The following ATM variants were observed in gnomAD, a reference collection of about 807,000 sequenced individuals.
ATM encodes the protein ATM serine/threonine kinase, also known as serine-protein kinase ATM.
ATM carries 308 observed loss-of-function variants against 387.0 expected under a neutral mutation model. That is an observed-to-expected ratio of 0.80 (90% CI 0.73 to 0.87). The LOEUF (loss-of-function observed/expected upper bound fraction) is 0.87, where lower values mean the gene tolerates loss of function less well. Among genes scored for constraint, ATM ranks in the 40% least tolerant of loss-of-function variants. The probability of loss-of-function intolerance (pLI) is 0.00; values close to 1 mark genes in which losing one functional copy is unlikely to be tolerated. For missense variants in ATM, 3,312 were observed against 3,560.9 expected, an observed-to-expected ratio of 0.93 and a Z score of 1.78; for synonymous variants, 1,156 against 1,187.3, an observed-to-expected ratio of 0.97 and a Z score of 0.54.
chr11:108,307,525 C>T (rs1050596881), intron 37 of ATM, among the ~76,000 whole-genome samples: 6 of 152,142 alleles, frequency 3.9e-5, no homozygotes, highest in African/African-American at 1.4e-4. Context: ...TTTAAACTTT[C>T]CTATTATAAC....
Position 108,287,615 on chromosome 11 carries a change from A to G in ATM, c.4009A>G (p.Ile1337Val), listed in dbSNP as rs2082558578. 2 of 1,611,686 alleles carry G rather than the reference A, an allele frequency of 1.2e-6. No individual in the cohort carries two copies. The highest frequency in any genetic ancestry group is 1.7e-6 in the Non-Finnish European group (2 of 1,178,200). Reference protein sequence around the residue: ...LLGKQIDHLFISNLPEIVVEL... With the variant: ...LLGKQIDHLFVSNLPEIVVEL... ...GCCCTTGCAGATTGATCACTTATTCATTAGTAATTTACCAGAGATTGTGGT... is the reference window on the plus strand; with the variant it reads ...GCCCTTGCAGATTGATCACTTATTCGTTAGTAATTTACCAGAGATTGTGGT... The change falls in exon 27 of 63, where the codon ATT becomes GTT. Residue 1337 changes from isoleucine (I) to valine (V), a missense_variant. By Grantham distance (29) the Ile-to-Val change is conservative. Transcript: ENST00000675843.
chr11:108,302,327 G>A (rs1422405123), intron 35 of ATM, among the ~76,000 whole-genome samples: 2 of 152,086 alleles, frequency 1.3e-5, no homozygotes, highest in Non-Finnish European at 1.5e-5. Flanking sequence ...TTCATAAAGT[G>A]ACTGAGAAAT....
intron 3 of ATM, 57 bp from the exon 4 acceptor site, chr11:108,229,121 A>G: frequency 1.3e-6 from 2 of 1,545,028 alleles, no homozygotes; most frequent in Non-Finnish European, 1.8e-6. Flanking sequence ...AGCTTTTGAA[A>G]TTATTATAAT....
intron 46 of ATM, 23 bp from the exon 47 acceptor site, chr11:108,326,035 C>A (rs2085642148): frequency 1.2e-6 from 2 of 1,611,458 alleles, no homozygotes; most frequent in South Asian, 1.1e-5. Context: ...AGTATTTATT[C>A]CCATATGTCA....
At chr11:108,340,193 A>C (rs979417985) in intron 56 of ATM, 1 of 152,224 alleles carries the variant, frequency 6.6e-6, no homozygotes, top group Non-Finnish European at 1.5e-5. Context: ...AATTTCAAAC[A>C]TACAAAAGGA....
At chr11:108,258,888 T>C in intron 15 of ATM, 98 bp from the exon 16 acceptor site, 1 of 951,668 alleles carries the variant, frequency 1.1e-6, no homozygotes, top group Non-Finnish European at 1.7e-6. Flanking sequence ...TAGTAAACTA[T>C]TTATCTACAT....
intron 59 of ATM, among the ~76,000 whole-genome samples, chr11:108,351,679 G>A (rs1462379144): frequency 6.6e-6 from 1 of 152,112 alleles, no homozygotes; most frequent in African/African-American, 2.4e-5. Context: ...GGGCTCCAAG[G>A]GGAAGGAAGT....
At chr11:108,350,315 T>C (rs1389289346) in intron 59 of ATM, among the ~76,000 whole-genome samples, 1 of 152,154 alleles carries the variant, frequency 6.6e-6, no homozygotes, top group Non-Finnish European at 1.5e-5. Flanking sequence ...TCAAACTTAT[T>C]GTCTCTACCC....
At chr11:108,352,784 T>C (rs528508630) in intron 59 of ATM, among the ~76,000 whole-genome samples, 1 of 152,206 alleles carries the variant, frequency 6.6e-6, no homozygotes. Context: ...TCCAGAGAAT[T>C]AGGCTGAGTG....
chr11:108,270,130 C>T (rs1258746064), intron 18 of ATM, among the ~76,000 whole-genome samples: 1 of 152,058 alleles, frequency 6.6e-6, no homozygotes, highest in African/African-American at 2.4e-5. Context: ...TTTGGTAGTT[C>T]TCGGAAACTG....
At chr11:108,274,884 C>T (rs1457524571) in intron 22 of ATM, among the ~76,000 whole-genome samples, 2 of 152,156 alleles carry the variant, frequency 1.3e-5, no homozygotes, top group Non-Finnish European at 2.9e-5. Context: ...TCTGTTAGGT[C>T]TGCTTGGTCC....
At chr11:108,232,268 G>A (rs1295815558) in intron 4 of ATM, among the ~76,000 whole-genome samples, 1 of 152,054 alleles carries the variant, frequency 6.6e-6, no homozygotes, top group Non-Finnish European at 1.5e-5. Context: ...ATTTGACTTT[G>A]TTACTTAAAC....
chr11:108,230,216 G>A (rs1164861946), intron 4 of ATM: 2 of 152,114 alleles, frequency 1.3e-5, no homozygotes, highest in Admixed American at 6.5e-5. Context: ...AGGAGATCGA[G>A]ACCAGCCTGA....
chr11:108,331,661 A>G (rs1003989988), intron 51 of ATM, 104 bp downstream of exon 51: 6 of 1,411,420 alleles, frequency 4.3e-6, no homozygotes, highest in Non-Finnish European at 4.7e-6. Context: ...TGGAAATACA[A>G]AATTTTGTAT....
At position 108,259,850 on chromosome 11, in the gene ATM, A is replaced by G. The variant is rs140569208; in HGVS notation, c.2466+775A>G. Among the ~76,000 whole-genome samples, 1,283 of 152,232 alleles carry G rather than the reference A, an allele frequency of 8.4e-3. 9 individuals are homozygous for G. Among genetic ancestry groups the G allele is most frequent in the African/African-American group, 0.028 (1,142 of 41,524 alleles). On this transcript the variant is annotated intron_variant, in intron 16 of 62. Coordinates refer to ENST00000675843, the MANE Select transcript of ATM (RefSeq NM_000051.4). ...ATACAAAGTAGTTATTGAAATATCTATTGAGTGAAAACATATTCTGTAACT... is the reference window on the plus strand; with the variant it reads ...ATACAAAGTAGTTATTGAAATATCTGTTGAGTGAAAACATATTCTGTAACT...
intron 56 of ATM, among the ~76,000 whole-genome samples, chr11:108,342,257 A>G (rs1403842726): frequency 3.9e-5 from 6 of 152,192 alleles, no homozygotes; most frequent in Non-Finnish European, 7.3e-5. Flanking sequence ...TTGCAGCAGT[A>G]TTTCATGGAA....
At chr11:108,318,679 ACT>A (rs1178089872) in intron 43 of ATM, among the ~76,000 whole-genome samples, 9 of 151,984 alleles carry the variant, frequency 5.9e-5, no homozygotes, top group South Asian at 2.1e-4. Flanking sequence ...ACAGAGTGAG[ACT>A]CTGTCTCAAA....
At chr11:108,312,330 C>T in intron 39 of ATM, 81 bp from the exon 40 acceptor site, 1 of 1,055,030 alleles carries the variant, frequency 9.5e-7, no homozygotes, top group Non-Finnish European at 1.5e-6. Flanking sequence ...TAGTTTTTTT[C>T]TGTCAAAGTC....
chr11:108,279,358 T>TAATA, intron 22 of ATM, 133 bp from the exon 23 acceptor site: 2 of 710,162 alleles, frequency 2.8e-6, no homozygotes, highest in Non-Finnish European at 4.9e-6. Flanking sequence ...TGTTAGTCTT[T>TAATA]AAGAAAGAGC....
Sources: gnomAD v4.1 joint callset for allele counts (sites outside exome capture counted in the v4.1 genomes callset) on GRCh38, gnomAD v4.1.1 for gene constraint, MANE v1.5 for transcripts, NCBI Gene and HGNC (gene_info 2026-07-23, HGNC 2026-07-21) for gene names.